CFAP263: variants seen among roughly 807,000 people sequenced by gnomAD.
The protein encoded by CFAP263 is cilia- and flagella-associated protein 263.
At chr16:58,255,849 C>T in the CFAP263 span, among the ~76,000 whole-genome samples, 1 of 151,928 alleles carries the variant, frequency 6.6e-6, no homozygotes, top group African/African-American at 2.4e-5. Context: ...AGGCGTGAGC[C>T]ATCGCGCCCG....
At chr16:58,255,368 C>G in the CFAP263 span, among the ~76,000 whole-genome samples, 1 of 152,104 alleles carries the variant, frequency 6.6e-6, no homozygotes, top group African/African-American at 2.4e-5. Flanking sequence ...TTGGATGGTG[C>G]CCACCCACAC....
the CFAP263 span, chr16:58,262,476 A>G: frequency 3.7e-6 from 6 of 1,613,792 alleles, no homozygotes; most frequent in Non-Finnish European, 5.1e-6. Flanking sequence ...GAAGCAAGGA[A>G]TCAAGAACTG....
chr16:58,276,610 T>A, the CFAP263 span, among the ~76,000 whole-genome samples: 1 of 152,256 alleles, frequency 6.6e-6, no homozygotes, highest in East Asian at 1.9e-4. Context: ...AAATTGCCTC[T>A]GGTTGAGAAC....
the CFAP263 span, among the ~76,000 whole-genome samples, chr16:58,275,251 A>G: frequency 2.0e-5 from 3 of 152,228 alleles, no homozygotes; most frequent in Non-Finnish European, 4.4e-5. Context: ...CTGAGTGGGT[A>G]GGTCTCGGGT....
chr16:58,259,369 A>G, the CFAP263 span, among the ~76,000 whole-genome samples: 2 of 152,182 alleles, frequency 1.3e-5, no homozygotes, highest in African/African-American at 2.4e-5. Flanking sequence ...GCTCTTTGAG[A>G]TCCTTTGTTA....
At chr16:58,272,845 C>T in the CFAP263 span, among the ~76,000 whole-genome samples, 786 of 151,582 alleles carry the variant, frequency 5.2e-3, 5 homozygotes, top group African/African-American at 0.018. Flanking sequence ...TTTTCTGCCT[C>T]AGTCCTAGAA....
At chr16:58,276,263 G>A in the CFAP263 span, among the ~76,000 whole-genome samples, 2 of 152,182 alleles carry the variant, frequency 1.3e-5, no homozygotes, top group Non-Finnish European at 2.9e-5. Context: ...CTCTTAGATT[G>A]ACAAAGATCA....
chr16:58,254,169 C>T, the CFAP263 span: 2 of 1,614,048 alleles, frequency 1.2e-6, no homozygotes, highest in Admixed American at 3.3e-5. Context: ...GGTACACCTT[C>T]CTGCCAGCGC....
chr16:58,260,004 C>T, the CFAP263 span: 2 of 910,540 alleles, frequency 2.2e-6, no homozygotes, highest in Non-Finnish European at 1.7e-6. Context: ...ATAAGGTTCC[C>T]ACCCCCACCC....
chr16:58,254,004 G>A, the CFAP263 span: 1 of 1,614,196 alleles, frequency 6.2e-7, no homozygotes, highest in South Asian at 1.1e-5. Context: ...GCAGTTTCGA[G>A]GCAGGCGTAG....
At chr16:58,257,656 GTC>G in the CFAP263 span, among the ~76,000 whole-genome samples, 1 of 144,466 alleles carries the variant, frequency 6.9e-6, no homozygotes, top group South Asian at 2.4e-4. Flanking sequence ...GAAATATAAA[GTC>G]TTTTTTTTTT....
chr16:58,267,294 A>G, the CFAP263 span, among the ~76,000 whole-genome samples: 1 of 152,130 alleles, frequency 6.6e-6, no homozygotes, highest in Non-Finnish European at 1.5e-5. Context: ...CAAGACTCCA[A>G]GGTCCTCTCC....
chr16:58,278,341 A>ACCCCT, the CFAP263 span: 1 of 738,284 alleles, frequency 1.4e-6, no homozygotes, highest in Non-Finnish European at 2.2e-6. Context: ...TGTGATTCCC[A>ACCCCT]CCCCTCCCCA....
the CFAP263 span, among the ~76,000 whole-genome samples, chr16:58,256,443 G>A: frequency 1.8e-4 from 27 of 152,274 alleles, no homozygotes; most frequent in Non-Finnish European, 3.5e-4. Flanking sequence ...GGGAAAGAAG[G>A]GCACCCCAGG....
At chr16:58,266,533 A>G in the CFAP263 span, among the ~76,000 whole-genome samples, 3 of 148,622 alleles carry the variant, frequency 2.0e-5, no homozygotes, top group Non-Finnish European at 4.4e-5. Context: ...CCTCTCCCCT[A>G]CTGTCCGGGC....
chr16:58,280,605 C>T, the CFAP263 span: 1 of 1,614,158 alleles, frequency 6.2e-7, no homozygotes, highest in South Asian at 1.1e-5. Context: ...GGCCGGCCCT[C>T]TCAGCCTTGG....
chr16:58,250,101 G>A, the CFAP263 span: 2 of 1,583,510 alleles, frequency 1.3e-6, no homozygotes, highest in Non-Finnish European at 1.7e-6. Flanking sequence ...TGTGCGGGCT[G>A]GTGGAGGAGC....
chr16:58,266,757 C>T, the CFAP263 span, among the ~76,000 whole-genome samples: 1 of 152,104 alleles, frequency 6.6e-6, no homozygotes, highest in African/African-American at 2.4e-5. Flanking sequence ...CAAAAGGGGG[C>T]CAATCTAAGA....
At chr16:58,278,795 A>ATTTT in the CFAP263 span, among the ~76,000 whole-genome samples, 16,437 of 152,164 alleles carry the variant, frequency 0.11, 989 homozygotes, top group Admixed American at 0.13. Flanking sequence ...ACGAAGGATG[A>ATTTT]TTTGTTTTTT....
Sources: allele counts gnomAD v4.1 joint callset (sites outside exome capture counted in the v4.1 genomes callset), GRCh38; gene constraint gnomAD v4.1.1; transcripts MANE v1.5; gene names NCBI Gene and HGNC (gene_info 2026-07-23, HGNC 2026-07-21).